GLI3: variants seen among roughly 807,000 people sequenced by gnomAD.
GLI3 encodes the protein GLI family zinc finger 3, also known as transcription activator GLI3.
Under a neutral mutation model 100.8 loss-of-function variants are expected in GLI3, and 20 were observed. The observed-to-expected ratio is 0.20, with a 90% CI of 0.14 to 0.29. The LOEUF is 0.29. Among genes scored for constraint, GLI3 ranks in the 10% least tolerant of loss-of-function variants. The pLI, the probability that GLI3 is intolerant of heterozygous loss-of-function variation, is 1.00. For missense variants in GLI3, 2,040 were observed against 2,128.5 expected, an observed-to-expected ratio of 0.96 and a Z score of 0.82; for synonymous variants, 938 against 860.5, an observed-to-expected ratio of 1.09 and a Z score of -1.58.
intron 4 of GLI3, among the ~76,000 whole-genome samples, chr7:42,065,466 A>G (rs1369586810): frequency 6.6e-6 from 1 of 152,030 alleles, no homozygotes; most frequent in Non-Finnish European, 1.5e-5. Context: ...TGAGGGTATA[A>G]TGCATTAAAG....
intron 1 of GLI3, among the ~76,000 whole-genome samples, chr7:42,246,805 C>CTCTTTT (rs1332970657): frequency 1.1e-5 from 1 of 94,996 alleles, no homozygotes; most frequent in Non-Finnish European, 2.0e-5. Flanking sequence ...ATGATAGAAT[C>CTCTTTT]TTTTTTTTTT....
At chr7:42,240,112 T>A (rs992436831), upstream of GLI3, among the ~76,000 whole-genome samples, 3 of 152,314 alleles carry the variant, frequency 2.0e-5, no homozygotes, top group South Asian at 6.2e-4. Flanking sequence ...TGCTACAACC[T>A]TTGTTTGTAG....
intron 7 of GLI3, among the ~76,000 whole-genome samples, chr7:42,031,087 G>A (rs1354412532): frequency 2.0e-5 from 3 of 152,190 alleles, no homozygotes; most frequent in Non-Finnish European, 2.9e-5. Flanking sequence ...TCTAAACCTT[G>A]GTACCTGTGC....
chr7:42,098,806 G>C (rs1785396056), intron 3 of GLI3, among the ~76,000 whole-genome samples: 1 of 152,118 alleles, frequency 6.6e-6, no homozygotes, highest in South Asian at 2.1e-4. Flanking sequence ...AATGGGCCCA[G>C]TATAGAACTC....
At chr7:42,059,497 T>C (rs1784525761) in intron 4 of GLI3, among the ~76,000 whole-genome samples, 1 of 150,268 alleles carries the variant, frequency 6.7e-6, no homozygotes, top group Non-Finnish European at 1.5e-5. Flanking sequence ...AATTATAAAT[T>C]AATTAATATA....
intron 10 of GLI3, among the ~76,000 whole-genome samples, chr7:41,989,772 C>A (rs1787931181): frequency 6.6e-6 from 1 of 151,962 alleles, no homozygotes; most frequent in Non-Finnish European, 1.5e-5. Flanking sequence ...GTGGCTCACA[C>A]CTGTAATCCC....
intron 3 of GLI3, among the ~76,000 whole-genome samples, chr7:42,103,466 A>T (rs916310238): frequency 4.6e-5 from 1 of 21,598 alleles, no homozygotes; most frequent in Non-Finnish European, 1.7e-4. Context: ...GTATCTTATT[A>T]AAAAAAAAAG....
At chr7:42,150,882 C>T (rs776410540) in intron 2 of GLI3, among the ~76,000 whole-genome samples, 13 of 152,260 alleles carry the variant, frequency 8.5e-5, no homozygotes, top group Non-Finnish European at 1.6e-4. Flanking sequence ...ATTCCCCCAA[C>T]CTCTTGAGAG....
At chr7:42,240,925 C>A (rs142229723), upstream of GLI3, among the ~76,000 whole-genome samples, 49 of 152,296 alleles carry the variant, frequency 3.2e-4, no homozygotes, top group East Asian at 8.9e-3. Flanking sequence ...ACTTTTCTCC[C>A]CTCACTTACC....
At position 42,253,857 on chromosome 7, in the gene GLI3, C is replaced by A. The variant is rs147587609; in HGVS notation, c.-43+10137G>T. 1.2e-4 allele frequency among the ~76,000 whole-genome samples: 18 copies of A among 152,262 alleles called. 1 individual carries two copies. In the East Asian group the frequency reaches 2.5e-3, roughly 21 times the overall value. On this transcript the variant is annotated intron_variant, in intron 1 of 2. Transcript: ENST00000678978. ...TTGATACAGGTTTAATTGTTGAGAT[C>A]TTTACCCTCCAAGTCTTTTTTTGGG...
intron 1 of GLI3, among the ~76,000 whole-genome samples, chr7:42,244,207 G>T (rs763514996): frequency 2.6e-5 from 4 of 152,134 alleles, no homozygotes; most frequent in South Asian, 4.1e-4. Context: ...CTTACAGAGG[G>T]TTCTTGGGAG....
At chr7:42,091,547 G>A (rs1785219362) in intron 3 of GLI3, among the ~76,000 whole-genome samples, 2 of 152,220 alleles carry the variant, frequency 1.3e-5, no homozygotes, top group South Asian at 4.1e-4. Context: ...TAACACAGTC[G>A]CCATCCACCG....
chr7:41,987,101 G>GACACACACACACACAC (rs34005460), intron 10 of GLI3, among the ~76,000 whole-genome samples: 1,527 of 140,666 alleles, frequency 0.011, 18 homozygotes, highest in Non-Finnish European at 0.018. Context: ...CACAGACACA[G>GACACACACACACACAC]ACACACACAC....
At chr7:42,021,521 T>C (rs1788941359) in intron 10 of GLI3, among the ~76,000 whole-genome samples, 1 of 152,208 alleles carries the variant, frequency 6.6e-6, no homozygotes, top group South Asian at 2.1e-4. Flanking sequence ...TCACCATCTT[T>C]TAAAAGCTTT....
Position 42,188,347 on chromosome 7 carries a change from A to G in GLI3, c.124+34783T>C, listed in dbSNP as rs150138748. Among the ~76,000 whole-genome samples the G allele has an allele frequency of 4.3e-3, 648 of 152,298 alleles. 5 individuals carry two copies. The highest frequency in any genetic ancestry group is 6.8e-3 in the Middle Eastern group (2 of 294). On this transcript the variant is annotated intron_variant, in intron 2 of 14. Transcript: ENST00000395925. ...TTGTATTGAAGACGACTAATAATAT[A>G]AATACACACACCGCTGGTAAAGGGT...
At chr7:42,142,956 A>G (rs1786608545) in intron 3 of GLI3, among the ~76,000 whole-genome samples, 1 of 139,108 alleles carries the variant, frequency 7.2e-6, no homozygotes, top group Admixed American at 7.3e-5. Flanking sequence ...AAAAAAAAAA[A>G]GGCTATGTAA....
At chr7:42,201,102 G>A (rs190902209) in intron 2 of GLI3, among the ~76,000 whole-genome samples, 33 of 152,126 alleles carry the variant, frequency 2.2e-4, no homozygotes, top group South Asian at 4.2e-4. Flanking sequence ...TTACGATACC[G>A]TTTAGTCTAT....
intron 3 of GLI3, among the ~76,000 whole-genome samples, chr7:42,083,376 T>C (rs369027866): frequency 2.0e-5 from 3 of 152,264 alleles, no homozygotes; most frequent in African/African-American, 7.2e-5. Context: ...ATTTCATTCT[T>C]CTTTACATCT....
At chr7:42,260,219 G>C (rs112528107) in intron 1 of GLI3, among the ~76,000 whole-genome samples, 1 of 152,102 alleles carries the variant, frequency 6.6e-6, no homozygotes, top group African/African-American at 2.4e-5. Context: ...GAACATCTAC[G>C]TACCATTTGA....
Sources: allele counts gnomAD v4.1 joint callset (sites outside exome capture counted in the v4.1 genomes callset), GRCh38; gene constraint gnomAD v4.1.1; transcripts MANE v1.5; gene names NCBI Gene and HGNC (gene_info 2026-07-23, HGNC 2026-07-21).